FRMD4A: variants seen among roughly 807,000 people sequenced by gnomAD.
FRMD4A encodes FERM domain-containing protein 4A.
In FRMD4A, 29 loss-of-function variants were observed where a neutral mutation model predicts 129.1. The observed-to-expected ratio is 0.22, with a 90% confidence interval of 0.17 to 0.31. The LOEUF is 0.31. Among genes scored for constraint, FRMD4A ranks in the 10% least tolerant of loss-of-function variants. FRMD4A has a pLI of 1.00. For missense variants in FRMD4A, 1,272 were observed against 1,375.8 expected, an observed-to-expected ratio of 0.92 and a Z score of 1.19; for synonymous variants, 634 against 571.6, an observed-to-expected ratio of 1.11 and a Z score of -1.56.
At chr10:13,699,265 C>G (rs917733741) in intron 14 of FRMD4A, among the ~76,000 whole-genome samples, 1 of 112,764 alleles carries the variant, frequency 8.9e-6, no homozygotes, top group Non-Finnish European at 1.7e-5. Context: ...TTAGTAAAGA[C>G]TGGGTTTCCC....
At chr10:13,748,030 C>A in intron 8 of FRMD4A, among the ~76,000 whole-genome samples, 1 of 152,280 alleles carries the variant, frequency 6.6e-6, no homozygotes, top group Non-Finnish European at 1.5e-5. Flanking sequence ...CGCCTTTCAC[C>A]GTGCAGAAAG....
At chr10:13,909,880 A>T (rs2094923717) in intron 2 of FRMD4A, among the ~76,000 whole-genome samples, 1 of 152,252 alleles carries the variant, frequency 6.6e-6, no homozygotes, top group Non-Finnish European at 1.5e-5. Context: ...AAATTTGAAA[A>T]AGTCCTTTGT....
At chr10:13,815,322 T>C (rs1223882003) in intron 3 of FRMD4A, among the ~76,000 whole-genome samples, 1 of 152,182 alleles carries the variant, frequency 6.6e-6, no homozygotes, top group East Asian at 1.9e-4. Flanking sequence ...AAATATTGTA[T>C]GATTGCACTT....
chr10:13,750,126 A>G (rs2091536835), intron 8 of FRMD4A, among the ~76,000 whole-genome samples: 1 of 147,550 alleles, frequency 6.8e-6, no homozygotes, highest in Non-Finnish European at 1.5e-5. Flanking sequence ...GAAAGAAAGA[A>G]AGAAAGAAAG....
intron 2 of FRMD4A, among the ~76,000 whole-genome samples, chr10:13,945,266 G>C (rs917504298): frequency 6.6e-6 from 1 of 152,214 alleles, no homozygotes; most frequent in Non-Finnish European, 1.5e-5. Context: ...AAATTTTAAT[G>C]TCACTTTGGG....
intron 2 of FRMD4A, among the ~76,000 whole-genome samples, chr10:14,329,626 G>A (rs1843432137): frequency 6.6e-6 from 1 of 152,110 alleles, no homozygotes. Flanking sequence ...AGATATATGG[G>A]CGCCTAGAAA....
At chr10:14,003,493 T>C (rs1474553708) in intron 2 of FRMD4A, 9 of 152,172 alleles carry the variant, frequency 5.9e-5, no homozygotes, top group African/African-American at 2.2e-4. Flanking sequence ...AGCAATCCAG[T>C]AAATGCAGGA....
intron 2 of FRMD4A, among the ~76,000 whole-genome samples, chr10:14,127,998 C>CTCTCTT (rs1838985466): frequency 1.0e-5 from 1 of 99,690 alleles, no homozygotes; most frequent in African/African-American, 4.5e-5. Flanking sequence ...CTCTCTCTCT[C>CTCTCTT]TCTTTCTTTC....
intron 2 of FRMD4A, among the ~76,000 whole-genome samples, chr10:13,914,759 C>T (rs555772918): frequency 1.3e-5 from 2 of 152,108 alleles, no homozygotes; most frequent in Non-Finnish European, 2.9e-5. Context: ...GAATAGGAGG[C>T]TGAAGTGTGA....
At chr10:14,235,814 G>T (rs1843792671) in intron 2 of FRMD4A, among the ~76,000 whole-genome samples, 2 of 152,170 alleles carry the variant, frequency 1.3e-5, no homozygotes, top group Admixed American at 6.6e-5. Context: ...ACATAATTAG[G>T]CTTGACCTGC....
chr10:13,755,818 T>A (rs2091838115), intron 8 of FRMD4A, among the ~76,000 whole-genome samples: 1 of 152,238 alleles, frequency 6.6e-6, no homozygotes, highest in African/African-American at 2.4e-5. Context: ...GCATTTCATC[T>A]TGTAGAGATG....
intron 2 of FRMD4A, among the ~76,000 whole-genome samples, chr10:14,284,604 G>C (rs1845624592): frequency 6.6e-6 from 1 of 152,226 alleles, no homozygotes; most frequent in South Asian, 2.1e-4. Flanking sequence ...AGTGAGTCGA[G>C]ATCGCGCCAC....
At chr10:13,755,619 G>A (rs542258669) in intron 8 of FRMD4A, among the ~76,000 whole-genome samples, 1 of 152,192 alleles carries the variant, frequency 6.6e-6, no homozygotes, top group South Asian at 2.1e-4. Flanking sequence ...TGTTAATGAG[G>A]GACTGCTACT....
At chr10:13,853,662 T>G (rs896956223) in intron 3 of FRMD4A, among the ~76,000 whole-genome samples, 1 of 151,876 alleles carries the variant, frequency 6.6e-6, no homozygotes, top group Non-Finnish European at 1.5e-5. Flanking sequence ...GGCGCAACCC[T>G]GTCTCTACTA....
chr10:13,866,734 C>G (rs756007853), intron 2 of FRMD4A, among the ~76,000 whole-genome samples: 2 of 152,104 alleles, frequency 1.3e-5, no homozygotes, highest in Non-Finnish European at 1.5e-5. Context: ...CCGAGGTGGG[C>G]AGATCACTTG....
chr10:13,771,730 G>A (rs1371159187), intron 6 of FRMD4A, among the ~76,000 whole-genome samples: 1 of 152,082 alleles, frequency 6.6e-6, no homozygotes, highest in African/African-American at 2.4e-5. Flanking sequence ...ATCACTGCTG[G>A]GGAAGGTTAG....
chr10:13,815,321 A>G (rs772143832), intron 3 of FRMD4A, among the ~76,000 whole-genome samples: 6 of 152,238 alleles, frequency 3.9e-5, no homozygotes, highest in Non-Finnish European at 5.9e-5. Context: ...CAAATATTGT[A>G]TGATTGCACT....
chr10:13,895,303 C>T (rs540749283), intron 2 of FRMD4A, among the ~76,000 whole-genome samples: 6 of 152,228 alleles, frequency 3.9e-5, no homozygotes, highest in African/African-American at 9.6e-5. Context: ...GTGTTCTCAT[C>T]GTTTAGCTCC....
At chr10:14,301,028 G>A (rs753122985) in intron 2 of FRMD4A, among the ~76,000 whole-genome samples, 34 of 152,172 alleles carry the variant, frequency 2.2e-4, no homozygotes, top group Non-Finnish European at 4.3e-4. Flanking sequence ...ATAAAGGTCA[G>A]TCAGGTGAGA....
Sources: gnomAD v4.1 joint callset for allele counts (sites outside exome capture counted in the v4.1 genomes callset) on GRCh38, gnomAD v4.1.1 for gene constraint, MANE v1.5 for transcripts, NCBI Gene and HGNC (gene_info 2026-07-23, HGNC 2026-07-21) for gene names.